ATRN: variants seen among roughly 807,000 people sequenced by gnomAD.
The protein encoded by ATRN is attractin.
In ATRN, 54 loss-of-function variants were observed where a neutral mutation model predicts 178.7. The observed-to-expected ratio is 0.30, with a 90% CI of 0.24 to 0.38. ATRN has a LOEUF of 0.38. ATRN is among the 10% of genes least tolerant of loss of function. The probability of loss-of-function intolerance (pLI) is 1.00; values close to 1 mark genes in which losing one functional copy is unlikely to be tolerated. For synonymous variants in ATRN, 636 were observed against 663.0 expected (o/e 0.96, Z 0.63); for missense variants, 1,443 against 1,815.1 (o/e 0.79, Z 3.73).
intron 1 of ATRN, among the ~76,000 whole-genome samples, chr20:3,520,693 C>T (rs925817731): frequency 1.1e-4 from 16 of 152,068 alleles, no homozygotes; most frequent in Admixed American, 4.6e-4. Context: ...GATGGAGTTT[C>T]GCCATTTTGG....
At chr20:3,521,258 T>C (rs1307904480) in intron 1 of ATRN, among the ~76,000 whole-genome samples, 2 of 152,044 alleles carry the variant, frequency 1.3e-5, no homozygotes, top group Non-Finnish European at 2.9e-5. Flanking sequence ...AAGGATTCTT[T>C]GTACATCAAA....
intron 18 of ATRN, among the ~76,000 whole-genome samples, chr20:3,589,510 A>AT (rs1377611316): frequency 6.6e-6 from 1 of 151,272 alleles, no homozygotes; most frequent in African/African-American, 2.4e-5. Flanking sequence ...TAAAATTCGT[A>AT]TTTTTCATTC....
At chr20:3,566,663 G>A (rs2086040281) in intron 11 of ATRN, among the ~76,000 whole-genome samples, 1 of 152,060 alleles carries the variant, frequency 6.6e-6, no homozygotes, top group Admixed American at 6.5e-5. Context: ...CAGCACTTTG[G>A]GAGGCCGAGG....
chr20:3,584,551 G>T (rs2086329041), intron 17 of ATRN, 96 bp from the exon 18 acceptor site: 1 of 825,222 alleles, frequency 1.2e-6, no homozygotes, highest in Admixed American at 2.8e-5. Flanking sequence ...TAATATTTTT[G>T]ACTCAAGCCA....
intron 26 of ATRN, 117 bp downstream of exon 26, chr20:3,634,506 G>A (rs766084289): frequency 1.3e-5 from 11 of 858,284 alleles, no homozygotes; most frequent in East Asian, 7.8e-5. Flanking sequence ...ACATCTCCAC[G>A]GAAGGAATAA....
intron 27 of ATRN, among the ~76,000 whole-genome samples, chr20:3,642,393 G>A (rs769446131): frequency 6.6e-6 from 1 of 152,216 alleles, no homozygotes; most frequent in Non-Finnish European, 1.5e-5. Context: ...CCGCCTTTCA[G>A]CACATAACAC....
chr20:3,629,168 G>A (rs946059509), intron 25 of ATRN: 10 of 985,090 alleles, frequency 1.0e-5, no homozygotes, highest in Non-Finnish European at 1.2e-5. Context: ...TCACAGTCTC[G>A]CCTGGACCTT....
intron 1 of ATRN, among the ~76,000 whole-genome samples, chr20:3,513,148 A>G (rs1026604052): frequency 7.2e-5 from 11 of 152,112 alleles, no homozygotes; most frequent in Non-Finnish European, 1.5e-4. Context: ...TTTTGTTACC[A>G]TTGCTTTCGG....
intron 1 of ATRN, among the ~76,000 whole-genome samples, chr20:3,514,799 A>G (rs541128268): frequency 3.9e-5 from 6 of 152,158 alleles, no homozygotes; most frequent in East Asian, 3.9e-4. Flanking sequence ...CTCTACAAAA[A>G]TGACAAAATT....
At chr20:3,569,381 G>GT (rs2086084220) in intron 11 of ATRN, among the ~76,000 whole-genome samples, 2 of 152,104 alleles carry the variant, frequency 1.3e-5, no homozygotes, top group South Asian at 2.1e-4. Context: ...TGCAATGTAA[G>GT]TATTTGTGTG....
chr20:3,475,709 C>T (rs2084518022), intron 1 of ATRN, among the ~76,000 whole-genome samples: 1 of 151,984 alleles, frequency 6.6e-6, no homozygotes, highest in Non-Finnish European at 1.5e-5. Flanking sequence ...TAAGTTCCTG[C>T]TGTAGAAAAT....
chr20:3,584,490 A>G (rs530642094), intron 17 of ATRN, among the ~76,000 whole-genome samples, 157 bp from the exon 18 acceptor site: 1 of 152,322 alleles, frequency 6.6e-6, no homozygotes, highest in East Asian at 1.9e-4. Flanking sequence ...GTATTGGGCA[A>G]AATACTGGGC....
At chr20:3,518,669 A>T (rs1450850800) in intron 1 of ATRN, among the ~76,000 whole-genome samples, 1 of 152,178 alleles carries the variant, frequency 6.6e-6, no homozygotes, top group Non-Finnish European at 1.5e-5. Flanking sequence ...CTCTCTACTG[A>T]ACAATTATCC....
Position 3,596,384 on chromosome 20 carries a change from G to A in ATRN, c.3424G>A (p.Val1142Ile). 6.2e-7 allele frequency: 1 copy of A among 1,613,516 alleles called. No individual in the cohort carries two copies. The highest frequency in any genetic ancestry group is 8.5e-7 in the Non-Finnish European group (1 of 1,179,492). Residue 1142 changes from valine to isoleucine, a missense_variant, in exon 21 of 29, where the codon GTA (valine) becomes ATA (isoleucine). Coordinates refer to ENST00000262919, the MANE Select transcript of ATRN (RefSeq NM_139321.3). ...VKGDECQLCE[V>I]ENRYQGNPLR... The stretch of plus-strand genomic sequence containing the variant: ...GTCTTTTTTCCCCCCCAGATGTGAG[G>A]TAGAAAATCGATACCAAGGAAACCC...
At chr20:3,604,369 T>C in intron 24 of ATRN, 107 bp downstream of exon 24, 10 of 1,319,624 alleles carry the variant, frequency 7.6e-6, no homozygotes, top group Non-Finnish European at 1.0e-5. Context: ...GCAATGTGGC[T>C]TTGCCTTTGT....
intron 19 of ATRN, among the ~76,000 whole-genome samples, chr20:3,592,023 G>A (rs1265434554): frequency 1.3e-5 from 2 of 152,216 alleles, no homozygotes; most frequent in African/African-American, 4.8e-5. Context: ...CATTGCCTGT[G>A]GTCAGGCCTG....
intron 1 of ATRN, among the ~76,000 whole-genome samples, chr20:3,524,706 A>G (rs1224085222): frequency 2.0e-5 from 3 of 151,752 alleles, no homozygotes; most frequent in Non-Finnish European, 4.4e-5. Flanking sequence ...AGAAATCATA[A>G]CGTCCCTCAG....
Position 3,572,871 on chromosome 20 carries a change from G to T in ATRN, c.2012G>T (p.Gly671Val). Residue 671 changes from glycine to valine, a missense_variant, in exon 12 of 29, where the codon GGG becomes GTG. Coordinates refer to ENST00000262919, the MANE Select transcript of ATRN (RefSeq NM_139321.3). ...GGTATTCGGTGTGTGTGGAACACAG[G>T]GTCGTCTCAGTGTATCTCGTGGGCG... ...GPGIRCVWNTGSSQCISWALA... is the reference protein window; with the variant it reads ...GPGIRCVWNTVSSQCISWALA... The T allele has an allele frequency of 6.2e-7, 1 of 1,613,868 alleles. No individual in the cohort carries two copies.
intron 1 of ATRN, among the ~76,000 whole-genome samples, chr20:3,534,384 A>C (rs544059534): frequency 6.6e-6 from 1 of 152,180 alleles, no homozygotes; most frequent in African/African-American, 2.4e-5. Flanking sequence ...GGATGGCTAA[A>C]GAGGGGTGGA....
Sources: gnomAD v4.1 joint callset for allele counts (sites outside exome capture counted in the v4.1 genomes callset) on GRCh38, gnomAD v4.1.1 for gene constraint, MANE v1.5 for transcripts, NCBI Gene and HGNC (gene_info 2026-07-23, HGNC 2026-07-21) for gene names.